Variants in GRID1 observed in about 807,000 individuals in gnomAD.
GRID1 encodes glutamate ionotropic receptor delta type subunit 1, also known as glutamate receptor ionotropic, delta-1.
A neutral mutation model predicts 98.0 loss-of-function variants in GRID1; 28 were observed. The observed-to-expected ratio is 0.29, with a 90% CI of 0.21 to 0.39. The LOEUF is 0.39. Ranked by LOEUF, GRID1 falls within the 10% of genes least tolerant of loss-of-function variation. GRID1 has a pLI of 1.00. For synonymous variants in GRID1, 553 were observed against 538.5 expected, an observed-to-expected ratio of 1.03 and a Z score of -0.37; for missense variants, 1,111 against 1,340.5, an observed-to-expected ratio of 0.83 and a Z score of 2.67.
At chr10:85,662,685 G>A (rs1238370728) in intron 12 of GRID1, among the ~76,000 whole-genome samples, 2 of 152,192 alleles carry the variant, frequency 1.3e-5, no homozygotes, top group African/African-American at 4.8e-5. Flanking sequence ...CTGATGCCAG[G>A]GCCTAATGGG....
intron 4 of GRID1, among the ~76,000 whole-genome samples, chr10:86,124,339 C>T (rs1350569610): frequency 1.3e-5 from 2 of 152,192 alleles, no homozygotes; most frequent in East Asian, 1.9e-4. Context: ...CCCCCTGGCT[C>T]ACCTGGCACC....
chr10:86,115,409 T>G (rs1844561340), intron 4 of GRID1, among the ~76,000 whole-genome samples: 1 of 152,220 alleles, frequency 6.6e-6, no homozygotes, highest in Admixed American at 6.5e-5. Flanking sequence ...AATCCACTGT[T>G]CAGTTCCCTA....
At chr10:85,956,326 C>T (rs1367591440) in intron 4 of GRID1, among the ~76,000 whole-genome samples, 1 of 152,090 alleles carries the variant, frequency 6.6e-6, no homozygotes, top group East Asian at 1.9e-4. Context: ...AACTCCCTTT[C>T]TCAACCCTTC....
chr10:86,058,288 G>A (rs1843602417), intron 4 of GRID1, among the ~76,000 whole-genome samples: 1 of 152,152 alleles, frequency 6.6e-6, no homozygotes, highest in East Asian at 1.9e-4. Context: ...ATTTCTGTGT[G>A]ACCTTCTAGT....
chr10:85,650,623 G>A (rs1843256204), intron 12 of GRID1, among the ~76,000 whole-genome samples: 1 of 152,344 alleles, frequency 6.6e-6, no homozygotes, highest in East Asian at 1.9e-4. Context: ...ATACAGGTCT[G>A]TATGGGGGAT....
At position 86,133,270 on chromosome 10, in the gene GRID1, C is replaced by A. The variant is rs115199970; in HGVS notation, c.726+5549G>T. Among the ~76,000 whole-genome samples the A allele has an allele frequency of 1.5e-3, 231 of 152,274 alleles. 1 individual carries two copies. Among genetic ancestry groups the A allele is most frequent in the African/African-American group, 5.3e-3 (220 of 41,554 alleles). ...GTGCCAGTCTGAGGGTCTGGTTGTA[C>A]CAGTGTATGTGGCTGCTGGTTGTAT... On this transcript the variant is annotated intron_variant, in intron 4 of 15. Transcript: ENST00000327946.
chr10:86,069,433 G>C (rs1031320804), intron 4 of GRID1, among the ~76,000 whole-genome samples: 1 of 152,188 alleles, frequency 6.6e-6, no homozygotes, highest in African/African-American at 2.4e-5. Context: ...CGGATCATGA[G>C]GTCAGGAGAT....
chr10:86,181,882 C>T (rs1427847875), intron 3 of GRID1, among the ~76,000 whole-genome samples: 2 of 152,134 alleles, frequency 1.3e-5, no homozygotes, highest in African/African-American at 2.4e-5. Flanking sequence ...AGGGCAGGAA[C>T]GTTGACCCCC....
chr10:86,045,948 C>T (rs1238649979), intron 4 of GRID1, among the ~76,000 whole-genome samples: 1 of 152,044 alleles, frequency 6.6e-6, no homozygotes, highest in African/African-American at 2.4e-5. Context: ...TTCCACTGGC[C>T]ATGGACTTGA....
At chr10:85,816,491 T>G (rs1842716977) in intron 8 of GRID1, among the ~76,000 whole-genome samples, 1 of 152,132 alleles carries the variant, frequency 6.6e-6, no homozygotes. Context: ...GACAAAAATT[T>G]GACTAGTGGT....
intron 4 of GRID1, among the ~76,000 whole-genome samples, chr10:86,016,851 T>C (rs1842987491): frequency 6.6e-6 from 1 of 152,218 alleles, no homozygotes; most frequent in African/African-American, 2.4e-5. Context: ...TGAGGGACCC[T>C]GGACTTTAGA....
At chr10:85,838,460 C>G (rs1412594867) in intron 8 of GRID1, among the ~76,000 whole-genome samples, 3 of 152,164 alleles carry the variant, frequency 2.0e-5, no homozygotes, top group African/African-American at 7.2e-5. Flanking sequence ...AACTACAGAC[C>G]TCTCAGCTGA....
At chr10:85,735,109 T>C (rs930204462) in intron 8 of GRID1, among the ~76,000 whole-genome samples, 4 of 152,182 alleles carry the variant, frequency 2.6e-5, no homozygotes, top group Admixed American at 1.3e-4. Flanking sequence ...ACCATTTCAT[T>C]TGTACATGAG....
chr10:85,773,447 C>A (rs1842294724), intron 8 of GRID1, among the ~76,000 whole-genome samples: 1 of 152,180 alleles, frequency 6.6e-6, no homozygotes, highest in Non-Finnish European at 1.5e-5. Flanking sequence ...CACTCCTATT[C>A]AACATAGTGT....
intron 2 of GRID1, among the ~76,000 whole-genome samples, chr10:86,322,853 A>G (rs1333707894): frequency 6.6e-6 from 1 of 151,316 alleles, no homozygotes; most frequent in African/African-American, 2.4e-5. Flanking sequence ...GCACTTTGGG[A>G]GGCCAAGGCA....
intron 3 of GRID1, among the ~76,000 whole-genome samples, chr10:86,162,034 G>A (rs1845330595): frequency 1.3e-5 from 2 of 152,212 alleles, no homozygotes; most frequent in South Asian, 4.1e-4. Flanking sequence ...TCCTGCTCTG[G>A]AGGGACGGCA....
In GRID1 at chr10:85,666,998, C is replaced by T. The variant is rs115201411; in HGVS notation, c.1998-19601G>A. Among the ~76,000 whole-genome samples, 263 of 152,304 alleles carry T rather than the reference C, an allele frequency of 1.7e-3. 3 individuals are homozygous for T. The highest frequency in any genetic ancestry group is 6.0e-3 in the African/African-American group (248 of 41,552). On this transcript the variant is annotated intron_variant, in intron 12 of 15. Transcript: ENST00000327946. The stretch of plus-strand genomic sequence containing the variant: ...TACTCCTCCAACATCAGTGCTACTG[C>T]CCTAGTTTAGGAAATGCAGAGAACA...
In GRID1 at chr10:85,865,942, T is replaced by TATATATATATATATAC. The variant is rs1199144734; in HGVS notation, c.951+3067_951+3068insGTATATATATATATAT. ...ATATATATATATATATATATATATA[T>TATATATATATATATAC]ACACATATATATGGAGAGAGAGAGA... On this transcript the variant is annotated intron_variant, in intron 6 of 15. Transcript: ENST00000327946. 1.2e-3 allele frequency among the ~76,000 whole-genome samples: 114 copies of TATATATATATATATAC among 94,864 alleles called. 4 individuals carry two copies. The highest frequency in any genetic ancestry group is 5.2e-3 in the East Asian group (16 of 3,052). 62.2% of individuals were successfully genotyped at this position (94,864 alleles called of 152,430 possible).
At chr10:85,759,630 T>C (rs2132696544) in intron 8 of GRID1, among the ~76,000 whole-genome samples, 1 of 152,366 alleles carries the variant, frequency 6.6e-6, no homozygotes, top group African/African-American at 2.4e-5. Context: ...TTATATCTAA[T>C]CCATAATTAG....
Sources: allele counts gnomAD v4.1 joint callset (sites outside exome capture counted in the v4.1 genomes callset), GRCh38; gene constraint gnomAD v4.1.1; transcripts MANE v1.5; gene names NCBI Gene and HGNC (gene_info 2026-07-23, HGNC 2026-07-21).